Variants in CNBD1 observed in about 807,000 individuals in gnomAD.
CNBD1 encodes cyclic nucleotide binding domain containing 1.
Under a neutral mutation model 54.4 loss-of-function variants are expected in CNBD1, and 71 were observed. The observed-to-expected ratio is 1.30, with a 90% confidence interval of 1.08 to 1.59. CNBD1 has a LOEUF of 1.59. Ranked by LOEUF, CNBD1 falls within the 40% of genes most tolerant of loss-of-function variation. The probability of loss-of-function intolerance (pLI) is 0.00; values close to 1 mark genes in which losing one functional copy is unlikely to be tolerated. For missense variants in CNBD1, 659 were observed against 518.0 expected (o/e 1.27, Z -2.64); for synonymous variants, 182 against 170.7 (o/e 1.07, Z -0.51).
intron 4 of CNBD1, among the ~76,000 whole-genome samples, chr8:87,057,469 A>G (rs1810444899): frequency 6.6e-6 from 1 of 152,224 alleles, no homozygotes; most frequent in South Asian, 2.1e-4. Flanking sequence ...TATAGGAACT[A>G]CAATTCAAGA....
downstream of CNBD1, among the ~76,000 whole-genome samples, chr8:87,383,576 A>C (rs1298154019): frequency 1.3e-5 from 2 of 151,912 alleles, no homozygotes; most frequent in Non-Finnish European, 2.9e-5. Flanking sequence ...CCATGCATTT[A>C]CATTTCAGTT....
chr8:87,054,879 A>T (rs1326396983), intron 4 of CNBD1, among the ~76,000 whole-genome samples: 3 of 152,238 alleles, frequency 2.0e-5, no homozygotes, highest in African/African-American at 4.8e-5. Context: ...AGTCCTCTCA[A>T]GAAAGCCTGT....
intron 8 of CNBD1, among the ~76,000 whole-genome samples, chr8:87,327,335 G>C (rs1264077639): frequency 6.6e-6 from 1 of 150,494 alleles, no homozygotes; most frequent in African/African-American, 2.4e-5. Context: ...GCTCCACCCA[G>C]TTCGAGCTTC....
chr8:86,903,798 C>T (rs1808974652), intron 2 of CNBD1, among the ~76,000 whole-genome samples: 1 of 151,366 alleles, frequency 6.6e-6, no homozygotes, highest in African/African-American at 2.4e-5. Flanking sequence ...TCGAATATAA[C>T]AAGTATCCAG....
chr8:87,062,975 T>C (rs2130641953), intron 4 of CNBD1, among the ~76,000 whole-genome samples: 1 of 152,272 alleles, frequency 6.6e-6, no homozygotes, highest in South Asian at 2.1e-4. Context: ...GCTGCGTTAT[T>C]AGTATAACAA....
chr8:87,090,787 A>G lies in CNBD1; in HGVS notation c.432-115206A>G, dbSNP rs371483797. Among the ~76,000 whole-genome samples the G allele has an allele frequency of 3.9e-5, 6 of 152,158 alleles. No homozygotes were observed. The East Asian group carries it at 5.8e-4, about 15-fold the overall frequency. On this transcript the variant is annotated intron_variant, in intron 4 of 10. Coordinates refer to ENST00000518476, the MANE Select transcript of CNBD1 (RefSeq NM_173538.3). ...GAAACATTGTAATATTATCACAATT[A>G]ATTTGTTATTTAAATGATAGCTTAT...
intron 8 of CNBD1, among the ~76,000 whole-genome samples, chr8:87,318,236 C>T (rs763682167): frequency 2.6e-5 from 4 of 151,934 alleles, no homozygotes; most frequent in Non-Finnish European, 2.9e-5. Flanking sequence ...TATACCCATG[C>T]TTCTTTGCAT....
intron 2 of CNBD1, among the ~76,000 whole-genome samples, chr8:86,890,277 C>T (rs964355064): frequency 6.6e-6 from 1 of 152,044 alleles, no homozygotes; most frequent in Non-Finnish European, 1.5e-5. Context: ...TAGTAACCAC[C>T]ATTCTACTCT....
At chr8:87,128,319 G>A (rs1812041646) in intron 4 of CNBD1, among the ~76,000 whole-genome samples, 2 of 152,192 alleles carry the variant, frequency 1.3e-5, no homozygotes, top group African/African-American at 4.8e-5. Flanking sequence ...GGGAGTTGCA[G>A]ACACTCAACC....
At position 86,949,953 on chromosome 8, in the gene CNBD1, T is replaced by TTTTTG. The variant is rs201999773; in HGVS notation, c.431+10203_431+10204insGTTTT. On this transcript the variant is annotated intron_variant, in intron 4 of 10. Transcript: ENST00000518476. ...TGTTATACTTCATCAAATGCTTTTTTTTTTTTTTTTTTTTTTTTTTTGAGA... is the reference window on the plus strand; with the variant it reads ...TGTTATACTTCATCAAATGCTTTTTTTTTTGTTTTTTTTTTTTTTTTTTTTTGAGA... Among the ~76,000 whole-genome samples the TTTTTG allele has an allele frequency of 1.5e-3, 125 of 83,772 alleles. 16 individuals are homozygous for TTTTTG. Among genetic ancestry groups the TTTTTG allele is most frequent in the Admixed American group, 1.8e-3 (13 of 7,282 alleles). 55.0% of individuals were successfully genotyped at this position (83,772 alleles called of 152,430 possible). A position where few individuals can be genotyped will look rare whatever the true frequency, so the allele number is the denominator to read the frequency against.
chr8:87,045,724 C>CAAAAA (rs58973406), intron 4 of CNBD1, among the ~76,000 whole-genome samples: 16 of 51,044 alleles, frequency 3.1e-4, no homozygotes, highest in African/African-American at 9.4e-4. Flanking sequence ...GACTCCGTCT[C>CAAAAA]AAAAAAAAAA....
chr8:87,334,095 C>T (rs1312439101), intron 8 of CNBD1, among the ~76,000 whole-genome samples: 1 of 152,002 alleles, frequency 6.6e-6, no homozygotes, highest in Non-Finnish European at 1.5e-5. Context: ...TAATTTCTTC[C>T]TGGTTTAGTC....
At chr8:86,973,559 T>C (rs913954675) in intron 4 of CNBD1, among the ~76,000 whole-genome samples, 1 of 152,218 alleles carries the variant, frequency 6.6e-6, no homozygotes, top group African/African-American at 2.4e-5. Flanking sequence ...TATTAGGAGT[T>C]AGCTCATACA....
chr8:87,307,223 C>T (rs920281761), intron 8 of CNBD1, among the ~76,000 whole-genome samples: 8 of 152,134 alleles, frequency 5.3e-5, no homozygotes, highest in Non-Finnish European at 1.0e-4. Context: ...ACAATGCAAA[C>T]GAAAATTGTA....
At chr8:87,135,178 TA>T (rs1159093917) in intron 4 of CNBD1, among the ~76,000 whole-genome samples, 1 of 152,036 alleles carries the variant, frequency 6.6e-6, no homozygotes, top group Non-Finnish European at 1.5e-5. Context: ...GAAGTTACAG[TA>T]AAAGGTACAT....
chr8:87,420,443 T>A (rs1417441507), intron 2 of CNBD1, among the ~76,000 whole-genome samples: 1 of 152,094 alleles, frequency 6.6e-6, no homozygotes, highest in Admixed American at 6.6e-5. Context: ...TCACATGGTA[T>A]TTCTGCACCC....
intron 4 of CNBD1, among the ~76,000 whole-genome samples, chr8:87,164,674 CT>C (rs1331305252): frequency 6.6e-6 from 1 of 151,270 alleles, no homozygotes; most frequent in Non-Finnish European, 1.5e-5. Context: ...TTTGAATCTT[CT>C]TTTTCTTTAG....
intron 4 of CNBD1, among the ~76,000 whole-genome samples, chr8:87,154,657 A>C (rs1030451639): frequency 2.0e-5 from 3 of 152,204 alleles, no homozygotes; most frequent in Admixed American, 6.5e-5. Context: ...TTTTCAGAAC[A>C]ATTTGACCAC....
intron 8 of CNBD1, among the ~76,000 whole-genome samples, chr8:87,346,081 G>A (rs1397803144): frequency 6.7e-6 from 1 of 149,766 alleles, no homozygotes. Context: ...CACTCTTGTT[G>A]CCCAGGCTGG....
Sources: allele counts gnomAD v4.1 joint callset (sites outside exome capture counted in the v4.1 genomes callset), GRCh38; gene constraint gnomAD v4.1.1; transcripts MANE v1.5; gene names NCBI Gene and HGNC (gene_info 2026-07-23, HGNC 2026-07-21).